The following HS3ST5 variants were observed in gnomAD, a reference collection of about 807,000 sequenced individuals.
HS3ST5 encodes heparan sulfate-glucosamine 3-sulfotransferase 5, also known as heparan sulfate glucosamine 3-O-sulfotransferase 5.
Under a neutral mutation model 25.4 loss-of-function variants are expected in HS3ST5, and 10 were observed. The observed-to-expected ratio is 0.39, with a 90% CI of 0.24 to 0.67. HS3ST5 has a LOEUF of 0.67. HS3ST5 is among the 30% of genes least tolerant of loss of function. The probability of loss-of-function intolerance (pLI) is 0.44; values close to 1 mark genes in which losing one functional copy is unlikely to be tolerated. For missense variants in HS3ST5, 324 were observed against 420.7 expected (o/e 0.77, Z 2.01); for synonymous variants, 170 against 162.4 (o/e 1.05, Z -0.36).
chr6:114,177,103 C>T lies in HS3ST5; in HGVS notation c.-144-8641G>A, dbSNP rs367800275. On this transcript the variant is annotated intron_variant, in intron 2 of 4. Transcript: ENST00000312719. Reference sequence around the variant, plus strand: ...CCTCAGAATTGCAATGCAGTTCTACCGTAGTTTGAATGGGTAGTATCATAC... The same window carrying T: ...CCTCAGAATTGCAATGCAGTTCTACTGTAGTTTGAATGGGTAGTATCATAC... Among the ~76,000 whole-genome samples, 10 of 152,244 alleles carry T rather than the reference C, an allele frequency of 6.6e-5. No individual in the cohort carries two copies. In the East Asian group the frequency reaches 7.7e-4, roughly 12 times the overall value.
intron 2 of HS3ST5, among the ~76,000 whole-genome samples, chr6:114,206,040 C>T (rs547161634): frequency 1.3e-5 from 2 of 152,148 alleles, no homozygotes; most frequent in Non-Finnish European, 2.9e-5. Flanking sequence ...TTCTCTATTT[C>T]TATTCCATTT....
At chr6:114,152,545 G>A (rs1778508018) in intron 3 of HS3ST5, among the ~76,000 whole-genome samples, 2 of 152,274 alleles carry the variant, frequency 1.3e-5, no homozygotes, top group East Asian at 3.9e-4. Context: ...TTTTTATAAA[G>A]AAGGAGGAGT....
rs1776168216 is a variant in HS3ST5 at position 114,326,201 on chromosome 6, C to A, written c.-339+15994G>T. 1.3e-5 allele frequency among the ~76,000 whole-genome samples: 2 copies of A among 152,168 alleles called. 1 individual carries two copies. The highest frequency in any genetic ancestry group is 4.2e-4 in the South Asian group (2 of 4,814). On this transcript the variant is annotated intron_variant, in intron 1 of 4. Transcript: ENST00000312719. ...CTCAGGAGTTCCAGACCAGCCTGGG[C>A]AACATGGCAAAACCCCATCTCTACT...
rs189892722 is a variant in HS3ST5 at position 114,250,194 on chromosome 6, A to C, written c.-338-21416T>G. Among the ~76,000 whole-genome samples the C allele has an allele frequency of 3.9e-5, 6 of 152,326 alleles. No homozygotes were observed. The East Asian group carries it at 7.7e-4, about 20-fold the overall frequency. ...AATGGGATGGGAGGAAATTGAATACAAATAGAGATCTGAATTCTTTGAGAG... is the reference window on the plus strand; with the variant it reads ...AATGGGATGGGAGGAAATTGAATACCAATAGAGATCTGAATTCTTTGAGAG... On this transcript the variant is annotated intron_variant, in intron 1 of 4. Transcript: ENST00000312719.
chr6:114,330,038 A>T (rs1776330138), intron 1 of HS3ST5, among the ~76,000 whole-genome samples: 1 of 152,166 alleles, frequency 6.6e-6, no homozygotes, highest in African/African-American at 2.4e-5. Flanking sequence ...TAAGAGATGC[A>T]CAGTCCGGTG....
chr6:114,065,272 CA>C (rs1401307952), intron 3 of HS3ST5, among the ~76,000 whole-genome samples: 2 of 152,214 alleles, frequency 1.3e-5, no homozygotes, highest in Admixed American at 1.3e-4. Context: ...AATGTGAAGA[CA>C]AAGACAGTTA....
chr6:114,207,158 C>T (rs1483527260), intron 2 of HS3ST5, among the ~76,000 whole-genome samples: 1 of 152,184 alleles, frequency 6.6e-6, no homozygotes, highest in Admixed American at 6.6e-5. Flanking sequence ...CATTGTCACA[C>T]ATTTTTCTTA....
At chr6:114,085,596 C>T (rs893480629) in intron 3 of HS3ST5, among the ~76,000 whole-genome samples, 3 of 152,174 alleles carry the variant, frequency 2.0e-5, no homozygotes, top group African/African-American at 7.2e-5. Context: ...CTGTATCTCA[C>T]AGCTGGTCCC....
chr6:114,239,009 C>T (rs1461362426), intron 1 of HS3ST5: 1 of 152,166 alleles, frequency 6.6e-6, no homozygotes, highest in Admixed American at 6.5e-5. Context: ...TCTCCAAAGA[C>T]AGATCATACT....
intron 3 of HS3ST5, among the ~76,000 whole-genome samples, chr6:114,100,392 C>T (rs146718450): frequency 4.9e-4 from 74 of 152,158 alleles, no homozygotes; most frequent in African/African-American, 1.6e-3. Context: ...CACTCATAGA[C>T]GAGCAGTAGT....
intron 3 of HS3ST5, among the ~76,000 whole-genome samples, chr6:114,156,340 A>G (rs1166431839): frequency 1.3e-5 from 2 of 152,250 alleles, no homozygotes; most frequent in African/African-American, 4.8e-5. Flanking sequence ...TTAGGGCATA[A>G]AATTCATATT....
At chr6:114,087,481 G>A (rs1158123068) in intron 3 of HS3ST5, among the ~76,000 whole-genome samples, 1 of 152,086 alleles carries the variant, frequency 6.6e-6, no homozygotes, top group Non-Finnish European at 1.5e-5. Flanking sequence ...TTAAGTTACT[G>A]ACATTAAGAA....
rs983969276 is a variant in HS3ST5 at position 114,057,053 on chromosome 6, G to A, written c.*204C>T. The A allele has an allele frequency of 4.6e-5, 22 of 478,700 alleles. No individual in the cohort carries two copies. The Admixed American group carries it at 5.1e-4, about 11-fold the overall frequency. 29.7% of individuals were successfully genotyped at this position (478,700 alleles called of 1,614,324 possible). ...CTTTTGTAAATAGCTTAAAAGATGC[G>A]ACTATGCAGACAGCAATTTTTTTTT... On this transcript the variant is annotated 3_prime_UTR_variant, in exon 5 of 5. Transcript: ENST00000312719.
intron 3 of HS3ST5, among the ~76,000 whole-genome samples, chr6:114,133,619 A>G (rs925593623): frequency 1.3e-5 from 2 of 152,214 alleles, no homozygotes; most frequent in African/African-American, 4.8e-5. Context: ...GTCAGCATTT[A>G]TTGAGTGCTT....
intron 2 of HS3ST5, among the ~76,000 whole-genome samples, chr6:114,210,322 A>G (rs1201945572): frequency 6.6e-6 from 1 of 152,190 alleles, no homozygotes; most frequent in African/African-American, 2.4e-5. Context: ...TGAACAAAAA[A>G]TGCATTAAAA....
intron 1 of HS3ST5, among the ~76,000 whole-genome samples, chr6:114,287,564 C>A (rs2114762397): frequency 6.6e-6 from 1 of 152,124 alleles, no homozygotes; most frequent in Non-Finnish European, 1.5e-5. Context: ...TTACAAATAT[C>A]TTCTGACATT....
intron 3 of HS3ST5, among the ~76,000 whole-genome samples, chr6:114,113,467 C>A (rs1269966526): frequency 2.0e-5 from 3 of 151,838 alleles, no homozygotes; most frequent in Admixed American, 6.6e-5. Flanking sequence ...TTGTTTCCAC[C>A]CAGGAGAGTT....
intron 2 of HS3ST5, among the ~76,000 whole-genome samples, chr6:114,187,378 A>C (rs977997799): frequency 2.6e-5 from 4 of 152,214 alleles, no homozygotes; most frequent in Admixed American, 2.6e-4. Context: ...AGAGTTTGCA[A>C]GAAGTTGATT....
At chr6:114,114,804 C>G (rs1057245642) in intron 3 of HS3ST5, among the ~76,000 whole-genome samples, 1 of 151,924 alleles carries the variant, frequency 6.6e-6, no homozygotes, top group Non-Finnish European at 1.5e-5. Context: ...TTAAAAAAAT[C>G]GTATTGATCA....
Sources: gnomAD v4.1 joint callset for allele counts (sites outside exome capture counted in the v4.1 genomes callset) on GRCh38, gnomAD v4.1.1 for gene constraint, MANE v1.5 for transcripts, NCBI Gene and HGNC (gene_info 2026-07-23, HGNC 2026-07-21) for gene names.